LINGO2: variants seen among roughly 807,000 people sequenced by gnomAD.
The protein encoded by LINGO2 is leucine-rich repeat and immunoglobulin-like domain-containing nogo receptor-interacting protein 2.
LINGO2 carries 14 observed loss-of-function variants against 30.6 expected under a neutral mutation model. That is an observed-to-expected ratio of 0.46 (90% CI 0.30 to 0.72). The LOEUF (loss-of-function observed/expected upper bound fraction) is 0.72. Ranked by LOEUF, LINGO2 falls within the 30% of genes least tolerant of loss-of-function variation. The pLI, the probability that LINGO2 is intolerant of heterozygous loss-of-function variation, is 0.07. For missense variants in LINGO2, 729 were observed against 751.7 expected (o/e 0.97, Z 0.35); for synonymous variants, 317 against 288.5 (o/e 1.10, Z -1.00).
chr9:28,731,405 G>C, the LINGO2 span, among the ~76,000 whole-genome samples: 6 of 152,100 alleles, frequency 3.9e-5, no homozygotes, highest in Non-Finnish European at 8.8e-5. Flanking sequence ...TAACTTGGTT[G>C]AATCTCCAGG....
chr9:27,976,002 G>A (rs1452393984), intron 5 of LINGO2, among the ~76,000 whole-genome samples: 3 of 152,064 alleles, frequency 2.0e-5, no homozygotes, highest in Non-Finnish European at 4.4e-5. Context: ...ACAGACTAAT[G>A]GTTAAGCCCA....
chr9:28,909,462 A>G, the LINGO2 span, among the ~76,000 whole-genome samples: 59 of 152,132 alleles, frequency 3.9e-4, no homozygotes, highest in Middle Eastern at 3.4e-3. Flanking sequence ...AAAATATACA[A>G]TATAGTGATT....
chr9:28,213,112 A>G (rs957783379), intron 4 of LINGO2, among the ~76,000 whole-genome samples: 14 of 151,522 alleles, frequency 9.2e-5, no homozygotes, highest in Non-Finnish European at 1.8e-4. Context: ...AGCATAGCAA[A>G]CACATTCTTA....
rs918678628 is a variant in LINGO2 at position 28,028,835 on chromosome 9, T to A, written c.-86-16430A>T. Among the ~76,000 whole-genome samples, 5 of 152,250 alleles carry A rather than the reference T, an allele frequency of 3.3e-5. No individual in the cohort carries two copies. The East Asian group carries it at 9.6e-4, about 29-fold the overall frequency. On this transcript the variant is annotated intron_variant, in intron 4 of 5. Coordinates refer to ENST00000379992, the Ensembl canonical transcript of LINGO2. ...ATATGGAGGGCTGCCTACACTCATA[T>A]AGGGAAAGCATATATATAAGTATAC...
intron 4 of LINGO2, among the ~76,000 whole-genome samples, chr9:28,085,700 G>C (rs950857970): frequency 2.6e-5 from 4 of 151,968 alleles, no homozygotes; most frequent in African/African-American, 9.7e-5. Flanking sequence ...AGGAGGGTAG[G>C]CATCTCATTA....
intron 4 of LINGO2, among the ~76,000 whole-genome samples, chr9:28,083,430 A>G (rs1447661530): frequency 6.6e-6 from 1 of 152,164 alleles, no homozygotes; most frequent in African/African-American, 2.4e-5. Context: ...GTTAGATTAT[A>G]AGAACAGGGG....
intron 4 of LINGO2, among the ~76,000 whole-genome samples, chr9:28,030,383 CCTAAA>C (rs1310058031): frequency 6.6e-6 from 1 of 151,912 alleles, no homozygotes; most frequent in African/African-American, 2.4e-5. Flanking sequence ...AAGTCAACAC[CCTAAA>C]CTAAGACTCA....
At chr9:28,476,535 A>G (rs1825737286) in intron 1 of LINGO2, among the ~76,000 whole-genome samples, 1 of 152,052 alleles carries the variant, frequency 6.6e-6, no homozygotes, top group South Asian at 2.1e-4. Context: ...GCGGCCTCCC[A>G]AAGTGCTGGG....
the LINGO2 span, among the ~76,000 whole-genome samples, chr9:28,677,988 C>T: frequency 3.3e-5 from 5 of 151,870 alleles, no homozygotes; most frequent in Non-Finnish European, 7.4e-5. Flanking sequence ...CAAGCTGTTA[C>T]CTTTCTCCTG....
At chr9:28,526,254 T>C (rs1821032679) in intron 1 of LINGO2, among the ~76,000 whole-genome samples, 1 of 152,084 alleles carries the variant, frequency 6.6e-6, no homozygotes, top group African/African-American at 2.4e-5. Context: ...AATAAAATTA[T>C]TATGCTTTAA....
intron 4 of LINGO2, among the ~76,000 whole-genome samples, chr9:28,142,739 A>G (rs1827708556): frequency 6.6e-6 from 1 of 152,202 alleles, no homozygotes; most frequent in East Asian, 1.9e-4. Context: ...TGATGATTCC[A>G]TCGGGTAGGT....
the LINGO2 span, among the ~76,000 whole-genome samples, chr9:28,855,358 G>A: frequency 1.3e-5 from 2 of 151,972 alleles, no homozygotes; most frequent in African/African-American, 4.8e-5. Context: ...CTGCTGTAAT[G>A]AAAGAAGTGG....
At chr9:28,841,400 G>C in the LINGO2 span, among the ~76,000 whole-genome samples, 1 of 151,570 alleles carries the variant, frequency 6.6e-6, no homozygotes, top group East Asian at 1.9e-4. Context: ...TGTAATACTG[G>C]GAAAGTATTA....
chr9:28,463,523 T>C (rs1395951916), intron 2 of LINGO2, among the ~76,000 whole-genome samples: 2 of 152,038 alleles, frequency 1.3e-5, no homozygotes, highest in South Asian at 2.1e-4. Context: ...GATCAAGTAA[T>C]GTAAATTAAA....
the LINGO2 span, among the ~76,000 whole-genome samples, chr9:28,740,413 T>C: frequency 6.6e-6 from 1 of 151,918 alleles, no homozygotes; most frequent in Non-Finnish European, 1.5e-5. Context: ...TTTTGCCTAA[T>C]GTATTTTAGG....
chr9:28,719,459 C>T, the LINGO2 span, among the ~76,000 whole-genome samples: 1 of 152,010 alleles, frequency 6.6e-6, no homozygotes, highest in Non-Finnish European at 1.5e-5. Flanking sequence ...AGCAGCTCCT[C>T]CCAAACTCAT....
the LINGO2 span, among the ~76,000 whole-genome samples, chr9:29,022,977 CAAAAAA>C: frequency 1.5e-5 from 2 of 133,292 alleles, no homozygotes; most frequent in East Asian, 2.1e-4. Flanking sequence ...CTCTTTGAGC[CAAAAAA>C]AAAAAAAAGA....
intron 4 of LINGO2, among the ~76,000 whole-genome samples, chr9:28,102,021 T>G: frequency 6.6e-6 from 1 of 152,092 alleles, no homozygotes; most frequent in East Asian, 1.9e-4. Context: ...TTCCATCAGC[T>G]TTGCCTCCAA....
the LINGO2 span, among the ~76,000 whole-genome samples, chr9:29,191,956 T>C: frequency 1.3e-5 from 2 of 152,072 alleles, no homozygotes; most frequent in Non-Finnish European, 2.9e-5. Flanking sequence ...TATGTAAGTA[T>C]CTCCAGGTAA....
Sources: allele counts gnomAD v4.1 joint callset (sites outside exome capture counted in the v4.1 genomes callset), GRCh38; gene constraint gnomAD v4.1.1; transcripts MANE v1.5; gene names NCBI Gene and HGNC (gene_info 2026-07-23, HGNC 2026-07-21).